Variants in MARS1 observed in about 807,000 individuals in gnomAD.
MARS1 encodes the protein methionyl-tRNA synthetase 1.
Under a neutral mutation model 119.5 loss-of-function variants are expected in MARS1, and 80 were observed. That is an observed-to-expected ratio of 0.67 (90% CI 0.56 to 0.81). MARS1 has a LOEUF of 0.81. Among genes scored for constraint, MARS1 ranks in the 30% least tolerant of loss-of-function variants. MARS1 has a pLI of 0.00. For synonymous variants in MARS1, 418 were observed against 433.4 expected, an observed-to-expected ratio of 0.96 and a Z score of 0.44; for missense variants, 945 against 1,116.5, an observed-to-expected ratio of 0.85 and a Z score of 2.19.
intron 6 of MARS1, 69 bp downstream of exon 6, chr12:57,490,448 C>T: frequency 6.2e-7 from 1 of 1,609,700 alleles, no homozygotes; most frequent in Non-Finnish European, 8.5e-7. Context: ...TGAGCATGGC[C>T]ACTAACTTTT....
At chr12:57,504,695 ATTTTTTTT>A (rs34351056) in intron 11 of MARS1, among the ~76,000 whole-genome samples, 5 of 83,582 alleles carry the variant, frequency 6.0e-5, no homozygotes, top group South Asian at 4.8e-4. Context: ...TGCCTGACTG[ATTTTTTTT>A]TTTTTTTTTT....
rs148689734 is a variant in MARS1, at chr12:57,513,847, A to G, written c.1968-873A>G. On this transcript the variant is annotated intron_variant, in intron 15 of 20. Transcript: ENST00000262027. ...TAACCACATTTAATAAATAGTCCTT[A>G]CCTACAGGAGTTCGAGACCAGCCTG... is the stretch of plus-strand genomic sequence containing the variant. 2.2e-3 allele frequency among the ~76,000 whole-genome samples: 334 copies of G among 151,306 alleles called. 2 individuals are homozygous for G. The highest frequency in any genetic ancestry group is 7.9e-3 in the African/African-American group (326 of 41,266).
Position 57,515,925 on chromosome 12 carries a change from T to C in MARS1, c.2397T>C (p.Ser799=), listed in dbSNP as rs1877787854. Residue 799 remains serine, a synonymous_variant, in exon 19 of 21, where the codon AGT becomes AGC. Coordinates refer to ENST00000262027, the MANE Select transcript of MARS1 (RefSeq NM_004990.4). ...CTGGAACTCTTTTTTTACAGGTCAG[T>C]CCCTTGTTCCAAAAATTGGAAAATG... is the stretch of plus-strand genomic sequence containing the variant. The part of the protein sequence containing the change: ...LPAGHQIGTV[S]PLFQKLENDQ... 2 of 1,613,854 alleles carry C rather than the reference T, an allele frequency of 1.2e-6. No individual in the cohort carries two copies. The highest frequency in any genetic ancestry group is 1.6e-4 in the Middle Eastern group (1 of 6,062).
At chr12:57,508,337 C>A (rs371394786) in intron 11 of MARS1, among the ~76,000 whole-genome samples, 25 of 152,164 alleles carry the variant, frequency 1.6e-4, no homozygotes, top group African/African-American at 6.0e-4. Flanking sequence ...TGTAGCGAGC[C>A]GAGATCACAC....
intron 7 of MARS1, among the ~76,000 whole-genome samples, chr12:57,495,828 G>T (rs897645532): frequency 6.6e-6 from 1 of 152,134 alleles, no homozygotes; most frequent in Admixed American, 6.5e-5. Flanking sequence ...GCGAAACCCC[G>T]TCTCCACCAA....
Position 57,511,573 on chromosome 12 carries a change from A to G in MARS1, c.1369-125A>G, listed in dbSNP as rs1443298778. On this transcript the variant is annotated intron_variant, in intron 11 of 20. Coordinates refer to ENST00000262027, the MANE Select transcript of MARS1 (RefSeq NM_004990.4). Reference sequence around the variant, plus strand: ...ACTCTAGTCTGGGCAACAGAGCAAGACTCTGTCTCCAAAAAAAAAGTTATA... The same window carrying G: ...ACTCTAGTCTGGGCAACAGAGCAAGGCTCTGTCTCCAAAAAAAAAGTTATA... The G allele has an allele frequency of 3.3e-6, 3 of 901,364 alleles. No homozygotes were observed. In the East Asian group the frequency reaches 7.8e-5, roughly 23 times the overall value. The allele number at this position is 901,364 out of a possible 1,614,324, so 55.8% of individuals were successfully genotyped here.
At chr12:57,490,026 A>G (rs1306880630) in intron 5 of MARS1, 55 bp downstream of exon 5, 1 of 1,537,196 alleles carries the variant, frequency 6.5e-7, no homozygotes, top group Non-Finnish European at 9.0e-7. Context: ...GGGTTACAGA[A>G]TGGGCAGTAG....
chr12:57,493,516 ATATAATATATTATAATATATAATATAT>A (rs1876203357), intron 7 of MARS1, among the ~76,000 whole-genome samples: 1 of 5,400 alleles, frequency 1.9e-4, no homozygotes, highest in African/African-American at 4.4e-4. Context: ...AATATATAAT[ATATAATATATTATAATATATAATATAT>A]TATAATATAT....
chr12:57,490,137 G>T, intron 5 of MARS1, 70 bp from the exon 6 acceptor site: 1 of 1,534,902 alleles, frequency 6.5e-7, no homozygotes. Context: ...TCACAAAGAA[G>T]GGGAAAGATG....
At chr12:57,501,679 G>A (rs1233368106) in intron 10 of MARS1, among the ~76,000 whole-genome samples, 1 of 152,144 alleles carries the variant, frequency 6.6e-6, no homozygotes, top group Non-Finnish European at 1.5e-5. Context: ...AAAATTAGCT[G>A]GGTGTGGTGG....
Position 57,498,289 on chromosome 12 carries a change from C to G in MARS1, c.887+16C>G, listed in dbSNP as rs767628528. ...TCTTTGCCAGGTGGAGCCAGCTGCT[C>G]GGGGAGAGACCTCCTAAGGGAAGGG... On this transcript the variant is annotated intron_variant, in intron 8 of 20. Coordinates refer to ENST00000262027, the MANE Select transcript of MARS1 (RefSeq NM_004990.4). The G allele has an allele frequency of 3.7e-6, 6 of 1,608,142 alleles. No individual in the cohort carries two copies. Among genetic ancestry groups the G allele is most frequent in the East Asian group, 4.5e-5 (2 of 44,872 alleles).
rs747351446 is a variant in MARS1, at chr12:57,489,891, C to G, written c.415-5C>G. On this transcript the variant is annotated splice_region_variant and splice_polypyrimidine_tract_variant and intron_variant, in intron 4 of 20. Coordinates refer to ENST00000262027, the MANE Select transcript of MARS1 (RefSeq NM_004990.4). ...GTACATTTTCCTTTTCTATCCCCAA[C>G]AAAGGAGACAGAATCTCTAGCCGAC... The G allele has an allele frequency of 4.3e-6, 7 of 1,613,266 alleles. No homozygotes were observed. The highest frequency in any genetic ancestry group is 5.9e-6 in the Non-Finnish European group (7 of 1,179,350).
chr12:57,493,306 TATATATTATATA>T (rs1478246243), intron 7 of MARS1, among the ~76,000 whole-genome samples: 33 of 107,410 alleles, frequency 3.1e-4, no homozygotes, highest in East Asian at 4.7e-4. Flanking sequence ...ATATATATAA[TATATATTATATA>T]ATATATTATA....
In MARS1 at chr12:57,511,976, C is replaced by T. The variant is rs971558130; in HGVS notation, c.1540-32C>T. The T allele has an allele frequency of 2.5e-6, 4 of 1,608,752 alleles. No individual in the cohort carries two copies. The African/African-American group carries it at 5.3e-5, about 22-fold the overall frequency. On this transcript the variant is annotated intron_variant, in intron 12 of 20. Coordinates refer to ENST00000262027, the MANE Select transcript of MARS1 (RefSeq NM_004990.4). Reference sequence around the variant, plus strand: ...TTTCAGTTTGAGACTTTGGATTGGTCCCTAACATGTTTACCTCCTTCTGAC... The same window carrying T: ...TTTCAGTTTGAGACTTTGGATTGGTTCCTAACATGTTTACCTCCTTCTGAC...
intron 18 of MARS1, 135 bp downstream of exon 18, chr12:57,515,471 G>A (rs541876164): frequency 8.3e-6 from 7 of 843,066 alleles, no homozygotes; most frequent in Non-Finnish European, 1.3e-5. Flanking sequence ...TAAAGTCCTT[G>A]GTAGTCGTTC....
Position 57,511,722 on chromosome 12 carries a change from T to C in MARS1, c.1393T>C (p.Leu465=), listed in dbSNP as rs766084248. 47 of 1,614,042 alleles carry C rather than the reference T, an allele frequency of 2.9e-5. No homozygotes were observed. The highest frequency in any genetic ancestry group is 3.6e-5 in the Non-Finnish European group (43 of 1,180,026). ...GCTGGAGAAGCGACTGGAGGAGTGG[T>C]TGGGGAGGACATTGCCTGGCAGTGA... ...PKLEKRLEEW[L]GRTLPGSDWT... is the part of the protein sequence containing the mutation. The change falls in exon 12 of 21, where the codon TTG becomes CTG. Residue 465 remains leucine, a synonymous_variant. Transcript: ENST00000262027.
intron 11 of MARS1, among the ~76,000 whole-genome samples, chr12:57,510,178 AT>A (rs1267053778): frequency 6.6e-6 from 1 of 152,146 alleles, no homozygotes; most frequent in Non-Finnish European, 1.5e-5. Flanking sequence ...TGCCTGGCTG[AT>A]TAAAAAAAAA....
chr12:57,493,358 A>G (rs1271818107), intron 7 of MARS1, among the ~76,000 whole-genome samples: 3 of 89,592 alleles, frequency 3.3e-5, no homozygotes, highest in South Asian at 2.8e-4. Context: ...TATATATTAT[A>G]TGATATGTAT....
Position 57,514,957 on chromosome 12 carries a change from C to T in MARS1, c.2103C>T (p.Ile701=). The change falls in exon 17 of 21, where the codon ATC becomes ATT. Residue 701 remains isoleucine, a synonymous_variant. Coordinates refer to ENST00000262027, the MANE Select transcript of MARS1 (RefSeq NM_004990.4). ...HYHQLLEKVR[I]RDALRSILTI... The stretch of plus-strand genomic sequence containing the variant: ...GGCCTGCTTCCTCCCTTCCCAGGAT[C>T]CGGGATGCCTTGCGCAGTATCCTCA... 2 of 1,614,168 alleles carry T rather than the reference C, an allele frequency of 1.2e-6. No homozygotes were observed. The highest frequency in any genetic ancestry group is 1.6e-4 in the Middle Eastern group (1 of 6,062).
Sources: allele counts gnomAD v4.1 joint callset (sites outside exome capture counted in the v4.1 genomes callset), GRCh38; gene constraint gnomAD v4.1.1; transcripts MANE v1.5; gene names NCBI Gene and HGNC (gene_info 2026-07-23, HGNC 2026-07-21).